WLS: variants seen among roughly 807,000 people sequenced by gnomAD.
WLS encodes Wnt ligand secretion mediator.
In WLS, 23 loss-of-function variants were observed where a neutral mutation model predicts 62.8. The observed-to-expected ratio is 0.37, with a 90% confidence interval of 0.26 to 0.52. The LOEUF is 0.52. Among genes scored for constraint, WLS ranks in the 20% least tolerant of loss-of-function variants. The pLI, the probability that WLS is intolerant of heterozygous loss-of-function variation, is 0.92. For missense variants in WLS, 615 were observed against 697.3 expected (o/e 0.88, Z 1.33); for synonymous variants, 246 against 244.1 (o/e 1.01, Z -0.07).
chr1:68,115,042 G>A (rs912735510), intron 11 of WLS, among the ~76,000 whole-genome samples: 1 of 152,208 alleles, frequency 6.6e-6, no homozygotes, highest in Admixed American at 6.5e-5. Flanking sequence ...TGCAGCCACT[G>A]TGTGGCCTGT....
intron 11 of WLS, among the ~76,000 whole-genome samples, chr1:68,115,841 A>G (rs1646285254): frequency 6.6e-6 from 1 of 152,212 alleles, no homozygotes; most frequent in Non-Finnish European, 1.5e-5. Context: ...ATTAACAAAT[A>G]GCAATCAAGG....
intron 1 of WLS, chr1:68,202,062 T>C (rs1005276042): frequency 6.6e-6 from 1 of 152,220 alleles, no homozygotes; most frequent in Non-Finnish European, 1.5e-5. Context: ...TACTCTATAT[T>C]TGTCAGGATC....
At chr1:68,210,611 G>A (rs927108390) in intron 1 of WLS, among the ~76,000 whole-genome samples, 1 of 152,180 alleles carries the variant, frequency 6.6e-6, no homozygotes, top group African/African-American at 2.4e-5. Context: ...CAGTGTGGGT[G>A]AGACTGGGCT....
Position 68,145,885 on chromosome 1 carries a change from C to A in WLS, c.1262G>T (p.Arg421Leu). 1 of 1,614,140 alleles carries A rather than the reference C, an allele frequency of 6.2e-7. No homozygotes were observed. The highest frequency in any genetic ancestry group is 8.5e-7 in the Non-Finnish European group (1 of 1,180,016). The stretch of plus-strand genomic sequence containing the variant: ...TCTGCCCACCTCATAGTGTAGCCGC[C>A]GGACTTTGCTCATAGCTGGCAGGCT... The part of the protein sequence containing the change: ...QSSLPAMSKV[R>L]RLHYEGLIFR... The change falls in exon 9 of 12, where the codon CGG becomes CTG. Residue 421 changes from arginine (R) to leucine (L), a missense_variant. By Grantham distance (102) the Arg-to-Leu change is moderately radical. Coordinates refer to ENST00000262348, the MANE Select transcript of WLS (RefSeq NM_024911.7).
chr1:68,155,782 T>C (rs914751933), intron 3 of WLS, among the ~76,000 whole-genome samples: 5 of 152,144 alleles, frequency 3.3e-5, no homozygotes, highest in African/African-American at 1.2e-4. Flanking sequence ...ATATCTTCTT[T>C]TTATTCACTT....
chr1:68,218,311 T>C (rs139319867), intron 1 of WLS, among the ~76,000 whole-genome samples: 1 of 152,222 alleles, frequency 6.6e-6, no homozygotes. Context: ...TAAATAGATA[T>C]TGAGAGGGGA....
chr1:68,152,170 A>T (rs149452440), intron 5 of WLS, among the ~76,000 whole-genome samples: 1 of 152,230 alleles, frequency 6.6e-6, no homozygotes, highest in Non-Finnish European at 1.5e-5. Context: ...ATGGGACACA[A>T]TCAAGTGTTG....
At chr1:68,191,078 G>C (rs1444849903) in intron 2 of WLS, among the ~76,000 whole-genome samples, 1 of 144,326 alleles carries the variant, frequency 6.9e-6, no homozygotes, top group East Asian at 2.0e-4. Flanking sequence ...AAAAAAAAAT[G>C]TTTATAGTTG....
rs537966418 is a variant in WLS at position 68,150,363 on chromosome 1, G to T, written c.804-7C>A. The T allele has an allele frequency of 8.1e-6, 13 of 1,613,770 alleles. No homozygotes were observed. In the East Asian group the frequency reaches 2.5e-4, roughly 30 times the overall value. On this transcript the variant is annotated splice_polypyrimidine_tract_variant and splice_region_variant and intron_variant, in intron 5 of 11. Transcript: ENST00000262348. ...CCCAAGGGCAAAGATGACTCTGATG[G>T]TGAGAAAATATCAGGACAGCCACTT...
intron 11 of WLS, 127 bp from the exon 12 acceptor site, chr1:68,126,462 G>A (rs1646433021): frequency 2.4e-6 from 3 of 1,238,790 alleles, no homozygotes; most frequent in East Asian, 2.5e-5. Flanking sequence ...GACACCTAGG[G>A]CACACAACAT....
intron 11 of WLS, among the ~76,000 whole-genome samples, chr1:68,133,917 A>G (rs552491755): frequency 6.6e-6 from 1 of 152,314 alleles, no homozygotes; most frequent in South Asian, 2.1e-4. Flanking sequence ...TCCATCTAAC[A>G]AAGGCTGAAG....
At chr1:68,108,092 C>T (rs947806978) in intron 11 of WLS, among the ~76,000 whole-genome samples, 5 of 152,154 alleles carry the variant, frequency 3.3e-5, no homozygotes, top group Admixed American at 1.3e-4. Flanking sequence ...ATACAATATT[C>T]GTGCATTCCA....
intron 1 of WLS, among the ~76,000 whole-genome samples, chr1:68,226,823 A>T (rs1650160973): frequency 6.6e-6 from 1 of 152,238 alleles, no homozygotes; most frequent in Middle Eastern, 3.2e-3. Flanking sequence ...CAACAAATTC[A>T]AAATTCTAAA....
intron 11 of WLS, among the ~76,000 whole-genome samples, chr1:68,111,766 C>T (rs1383890097): frequency 6.6e-6 from 1 of 152,186 alleles, no homozygotes; most frequent in East Asian, 1.9e-4. Flanking sequence ...GCTGTCCAAA[C>T]TTTAGGATCT....
chr1:68,177,637 G>C (rs1647317247), intron 2 of WLS, among the ~76,000 whole-genome samples: 1 of 152,192 alleles, frequency 6.6e-6, no homozygotes, highest in South Asian at 2.1e-4. Context: ...GGGACTACAG[G>C]GGCACACCAC....
intron 11 of WLS, 86 bp from the exon 12 acceptor site, chr1:68,126,421 C>T (rs1197498189): frequency 1.3e-6 from 2 of 1,544,474 alleles, no homozygotes; most frequent in Non-Finnish European, 1.8e-6. Flanking sequence ...TGCCCTGATG[C>T]TAGCCCTCTT....
intron 1 of WLS, among the ~76,000 whole-genome samples, chr1:68,211,610 C>G (rs1284296105): frequency 1.3e-5 from 2 of 152,178 alleles, no homozygotes; most frequent in East Asian, 3.9e-4. Context: ...AATTGAGATG[C>G]TTGGATTTTC....
Position 68,144,640 on chromosome 1 carries a change from T to G in WLS, c.1291A>C (p.Arg431=). 6.2e-7 allele frequency: 1 copy of G among 1,613,442 alleles called. No homozygotes were observed. Among genetic ancestry groups the G allele is most frequent in the Non-Finnish European group, 8.5e-7 (1 of 1,179,536 alleles). Residue 431 remains arginine (R), a synonymous_variant, in exon 10 of 12, where the codon AGG becomes CGG. Coordinates refer to ENST00000262348, the MANE Select transcript of WLS (RefSeq NM_024911.7). ...GTGATAAGCATGAGGAACTTGAACC[T>G]AAAAATTAGCCCCTATTAGAAAAGA... The part of the protein sequence containing the change: ...RRLHYEGLIF[R]FKFLMLITLA...
At chr1:68,147,812 C>T (rs182270177) in intron 8 of WLS, among the ~76,000 whole-genome samples, 10 of 152,228 alleles carry the variant, frequency 6.6e-5, no homozygotes, top group African/African-American at 2.2e-4. Flanking sequence ...CTCCATGGCT[C>T]CAGGGAAAAG....
Sources: allele counts gnomAD v4.1 joint callset (sites outside exome capture counted in the v4.1 genomes callset), GRCh38; gene constraint gnomAD v4.1.1; transcripts MANE v1.5; gene names NCBI Gene and HGNC (gene_info 2026-07-23, HGNC 2026-07-21).